The following FHIT variants were observed in gnomAD, a reference collection of about 807,000 sequenced individuals.
FHIT encodes bis(5'-adenosyl)-triphosphatase.
Under a neutral mutation model 17.9 loss-of-function variants are expected in FHIT, and 19 were observed. That is an observed-to-expected ratio of 1.06 (90% CI 0.74 to 1.56). The LOEUF (loss-of-function observed/expected upper bound fraction) is 1.56. Among genes scored for constraint, FHIT ranks in the 40% most tolerant of loss-of-function variants. FHIT has a pLI of 0.00. For synonymous variants in FHIT, 81 were observed against 69.7 expected (o/e 1.16, Z -0.81); for missense variants, 248 against 189.2 (o/e 1.31, Z -1.82).
intron 8 of FHIT, among the ~76,000 whole-genome samples, chr3:59,899,276 A>T (rs1559711140): frequency 6.6e-6 from 1 of 152,184 alleles, no homozygotes; most frequent in Non-Finnish European, 1.5e-5. Context: ...ACTTTTCACA[A>T]ATGGAAAATG....
At chr3:60,775,300 G>C (rs1390224033) in intron 4 of FHIT, among the ~76,000 whole-genome samples, 1 of 152,168 alleles carries the variant, frequency 6.6e-6, no homozygotes, top group Non-Finnish European at 1.5e-5. Flanking sequence ...TCCAGCCTGT[G>C]AGACAGCCAG....
intron 5 of FHIT, among the ~76,000 whole-genome samples, chr3:60,061,427 C>A (rs1240342417): frequency 6.6e-6 from 1 of 152,190 alleles, no homozygotes; most frequent in African/African-American, 2.4e-5. Flanking sequence ...AGATGGATAT[C>A]TGACTAAGCT....
chr3:60,736,467 G>T (rs2042135167), intron 4 of FHIT, among the ~76,000 whole-genome samples: 1 of 152,110 alleles, frequency 6.6e-6, no homozygotes, highest in Admixed American at 6.6e-5. Context: ...GCAATAAAAA[G>T]AAATGAAGTT....
At chr3:60,063,189 T>C (rs537735594) in intron 5 of FHIT, among the ~76,000 whole-genome samples, 21 of 152,270 alleles carry the variant, frequency 1.4e-4, no homozygotes, top group African/African-American at 2.2e-4. Flanking sequence ...AACTGTGGAA[T>C]TGGTAGTTTG....
At chr3:59,821,256 A>G (rs1445097961) in intron 8 of FHIT, among the ~76,000 whole-genome samples, 2 of 152,212 alleles carry the variant, frequency 1.3e-5, no homozygotes, top group Non-Finnish European at 2.9e-5. Flanking sequence ...AGAAGGAGCA[A>G]TCAGAAGAGT....
In FHIT at chr3:60,323,104, G is replaced by A. The variant is rs78922253; in HGVS notation, c.103+213756C>T. Among the ~76,000 whole-genome samples, 903 of 152,050 alleles carry A rather than the reference G, an allele frequency of 5.9e-3. 8 individuals carry two copies. Among genetic ancestry groups the A allele is most frequent in the African/African-American group, 0.021 (858 of 41,482 alleles). ...ACTTCCTGCAAAAATCCTACACAGA[G>A]GCAAAATATATAAAATGTCTTAAAA... is the stretch of plus-strand genomic sequence containing the variant. On this transcript the variant is annotated intron_variant, in intron 5 of 9. Coordinates refer to ENST00000492590, the MANE Select transcript of FHIT (RefSeq NM_002012.4).
chr3:60,892,760 G>A (rs1416445580), intron 3 of FHIT, among the ~76,000 whole-genome samples: 1 of 152,154 alleles, frequency 6.6e-6, no homozygotes, highest in Admixed American at 6.5e-5. Context: ...TAGGAGAATA[G>A]TATTTAGTCA....
chr3:61,090,878 A>G (rs1171636876), intron 2 of FHIT, among the ~76,000 whole-genome samples: 3 of 152,186 alleles, frequency 2.0e-5, no homozygotes, highest in African/African-American at 7.2e-5. Context: ...GTAAAAATTG[A>G]TGACATCACT....
chr3:60,210,911 A>T (rs913999269), intron 5 of FHIT, among the ~76,000 whole-genome samples: 2 of 152,122 alleles, frequency 1.3e-5, no homozygotes, highest in Admixed American at 6.6e-5. Context: ...TCTATCCAAA[A>T]GACACACTAG....
At position 60,029,467 on chromosome 3, in the gene FHIT, G is replaced by A. The variant is rs866794767; in HGVS notation, c.104-15315C>T. On this transcript the variant is annotated intron_variant, in intron 5 of 9. Coordinates refer to ENST00000492590, the MANE Select transcript of FHIT (RefSeq NM_002012.4). ...GAGAGAGCAGATGAAGGAAAATCAA[G>A]GACTGTGACTTTAAAAAGACATATA... Among the ~76,000 whole-genome samples the A allele has an allele frequency of 2.0e-5, 3 of 152,154 alleles. No homozygotes were observed. In the East Asian group the frequency reaches 5.8e-4, roughly 29 times the overall value.
chr3:60,936,343 T>C (rs1708188802), intron 3 of FHIT, among the ~76,000 whole-genome samples: 1 of 152,182 alleles, frequency 6.6e-6, no homozygotes, highest in Non-Finnish European at 1.5e-5. Flanking sequence ...AAAAAGTAGT[T>C]CTGAAAACAG....
intron 5 of FHIT, among the ~76,000 whole-genome samples, chr3:60,418,928 A>C (rs1242863693): frequency 6.6e-6 from 1 of 152,196 alleles, no homozygotes; most frequent in Non-Finnish European, 1.5e-5. Context: ...TACACAAGAA[A>C]GGATCTGAAA....
intron 3 of FHIT, among the ~76,000 whole-genome samples, chr3:60,884,184 A>C (rs1488478408): frequency 1.3e-5 from 2 of 152,218 alleles, no homozygotes; most frequent in Admixed American, 1.3e-4. Flanking sequence ...CCACAGTTAT[A>C]ATGGCTACTA....
At chr3:60,865,506 T>G (rs1553753655) in intron 3 of FHIT, among the ~76,000 whole-genome samples, 1 of 152,202 alleles carries the variant, frequency 6.6e-6, no homozygotes, top group African/African-American at 2.4e-5. Flanking sequence ...TAAGATTATG[T>G]AATTAAATTC....
chr3:60,162,519 T>A (rs1347989165), intron 5 of FHIT, among the ~76,000 whole-genome samples: 1 of 152,218 alleles, frequency 6.6e-6, no homozygotes, highest in African/African-American at 2.4e-5. Flanking sequence ...CATGGGATCA[T>A]AGTAGTGGGG....
intron 4 of FHIT, among the ~76,000 whole-genome samples, chr3:60,765,346 T>C (rs1389470139): frequency 6.6e-6 from 1 of 152,166 alleles, no homozygotes; most frequent in East Asian, 1.9e-4. Flanking sequence ...CACAGAATCA[T>C]AGATGTTCAA....
At chr3:60,402,795 T>C (rs147145063) in intron 5 of FHIT, among the ~76,000 whole-genome samples, 1 of 152,320 alleles carries the variant, frequency 6.6e-6, no homozygotes, top group Non-Finnish European at 1.5e-5. Context: ...TATCAGTCAC[T>C]GTATAGTCAT....
chr3:60,567,395 T>C (rs993092376), intron 4 of FHIT, among the ~76,000 whole-genome samples: 6 of 152,116 alleles, frequency 3.9e-5, no homozygotes, highest in African/African-American at 7.2e-5. Flanking sequence ...GGAAAACTGG[T>C]TAGCCATATA....
chr3:60,978,743 T>C (rs1710367886), intron 3 of FHIT, among the ~76,000 whole-genome samples: 1 of 152,210 alleles, frequency 6.6e-6, no homozygotes, highest in South Asian at 2.1e-4. Flanking sequence ...ACATTCATTA[T>C]GAAATGAATG....
Sources: allele counts gnomAD v4.1 joint callset (sites outside exome capture counted in the v4.1 genomes callset), GRCh38; gene constraint gnomAD v4.1.1; transcripts MANE v1.5; gene names NCBI Gene and HGNC (gene_info 2026-07-23, HGNC 2026-07-21).